Variants in DISC1 observed in about 807,000 individuals in gnomAD.
DISC1 encodes disrupted in schizophrenia 1 protein.
DISC1 carries 57 observed loss-of-function variants against 84.5 expected under a neutral mutation model. That is an observed-to-expected ratio of 0.67 (90% CI 0.55 to 0.84). The LOEUF (loss-of-function observed/expected upper bound fraction) is 0.84, where lower values mean the gene tolerates loss of function less well. Ranked by LOEUF, DISC1 falls within the 40% of genes least tolerant of loss-of-function variation. The pLI is 0.00. For synonymous variants in DISC1, 411 were observed against 415.2 expected, an observed-to-expected ratio of 0.99 and a Z score of 0.12; for missense variants, 1,000 against 1,057.8, an observed-to-expected ratio of 0.95 and a Z score of 0.76.
intron 9 of DISC1, among the ~76,000 whole-genome samples, chr1:231,950,808 A>T (rs149864002): frequency 0.015 from 2,267 of 152,186 alleles, 29 homozygotes; most frequent in Non-Finnish European, 0.018. Context: ...ACATTTTTAA[A>T]CCTGGTGGAG....
At chr1:231,721,176 A>T (rs1558419802) in intron 3 of DISC1, 2 of 1,113,756 alleles carry the variant, frequency 1.8e-6, no homozygotes, top group African/African-American at 1.6e-5. Flanking sequence ...AGGAAATAAT[A>T]CATATAAAAA....
chr1:231,640,160 G>T (rs1022851119), intron 1 of DISC1, among the ~76,000 whole-genome samples: 20 of 152,146 alleles, frequency 1.3e-4, no homozygotes, highest in Non-Finnish European at 2.9e-4. Context: ...TCATGGATTT[G>T]TGCTTAATAG....
chr1:231,833,541 C>T (rs2125829912), intron 9 of DISC1, among the ~76,000 whole-genome samples: 1 of 151,860 alleles, frequency 6.6e-6, no homozygotes, highest in African/African-American at 2.4e-5. Flanking sequence ...TCCAGGGGCT[C>T]TGGGAGTGGC....
intron 1 of DISC1, among the ~76,000 whole-genome samples, chr1:231,682,109 AG>A (rs960688655): frequency 9.8e-5 from 15 of 152,296 alleles, no homozygotes; most frequent in African/African-American, 3.4e-4. Context: ...TCATAGGGGA[AG>A]GGGAGGAGGA....
chr1:231,880,275 C>T (rs376585672), intron 9 of DISC1, among the ~76,000 whole-genome samples: 33 of 152,302 alleles, frequency 2.2e-4, no homozygotes, highest in African/African-American at 6.7e-4. Context: ...TGCTGCCCCT[C>T]GACCTTGGAC....
At chr1:231,679,179 A>G (rs994867454) in intron 1 of DISC1, among the ~76,000 whole-genome samples, 1 of 152,156 alleles carries the variant, frequency 6.6e-6, no homozygotes, top group Non-Finnish European at 1.5e-5. Context: ...TCCTTGAGGG[A>G]CACTCACTTC....
At chr1:231,845,692 G>A (rs1011811815) in intron 9 of DISC1, among the ~76,000 whole-genome samples, 9 of 152,138 alleles carry the variant, frequency 5.9e-5, no homozygotes, top group African/African-American at 2.2e-4. Flanking sequence ...AGGAAGGTGA[G>A]TGAAGTGATG....
intron 9 of DISC1, among the ~76,000 whole-genome samples, chr1:231,922,864 A>G (rs1572079655): frequency 1.3e-5 from 2 of 152,098 alleles, no homozygotes; most frequent in East Asian, 1.9e-4. Context: ...AGAAAATTCA[A>G]CCTCTAAACA....
chr1:231,839,719 A>G (rs2082893518), intron 9 of DISC1, among the ~76,000 whole-genome samples: 1 of 152,234 alleles, frequency 6.6e-6, no homozygotes, highest in Non-Finnish European at 1.5e-5. Context: ...ATAGTTCTGC[A>G]GGCTGTACAT....
chr1:231,751,708 A>G (rs1281648079), intron 4 of DISC1, among the ~76,000 whole-genome samples: 5 of 152,192 alleles, frequency 3.3e-5, no homozygotes, highest in Admixed American at 3.3e-4. Context: ...TACCTCATAG[A>G]AGTGACATCA....
intron 9 of DISC1, among the ~76,000 whole-genome samples, chr1:231,882,553 A>G (rs1043566650): frequency 6.6e-6 from 1 of 152,206 alleles, no homozygotes; most frequent in Admixed American, 6.5e-5. Context: ...CGTTTGAATA[A>G]TCAAAACGTA....
At chr1:231,868,191 C>T (rs1187734530) in intron 9 of DISC1, among the ~76,000 whole-genome samples, 1 of 152,134 alleles carries the variant, frequency 6.6e-6, no homozygotes, top group Non-Finnish European at 1.5e-5. Flanking sequence ...TAGCACCTGC[C>T]CCAAACCCTC....
At position 232,009,671 on chromosome 1, in the gene DISC1, C is replaced by T. The variant is rs1667855545; in HGVS notation, c.2307+622C>T. 3.7e-6 allele frequency: 3 copies of T among 813,874 alleles called. No individual in the cohort carries two copies. In the Admixed American group the frequency reaches 1.9e-4, roughly 51 times the overall value. The allele number at this position is 813,874 out of a possible 1,614,324, so 50.4% of individuals were successfully genotyped here. A position where few individuals can be genotyped will look rare whatever the true frequency, so the allele number is the denominator to read the frequency against. On this transcript the variant is annotated intron_variant, in intron 11 of 12. Coordinates refer to ENST00000439617, the MANE Select transcript of DISC1 (RefSeq NM_018662.3). This position sits in a 1 kb window ranked among gnomAD's most constrained non-coding sequence, Gnocchi z 4.6. ...TTTATTTAACTTTCTTTTTCTCTCC[C>T]CTCTTTCCTCTCTCCCTTCCCCTTC... is the stretch of plus-strand genomic sequence containing the variant.
rs113998060 is a variant in DISC1 at position 231,758,016 on chromosome 1, T to G, written c.1268+7940T>G. Among the ~76,000 whole-genome samples the G allele has an allele frequency of 5.2e-3, 788 of 151,590 alleles. 5 individuals are homozygous for G. The highest frequency in any genetic ancestry group is 0.018 in the African/African-American group (747 of 41,358). ...TGTGAGGAGGGGTGGGGGTGGATAA[T>G]GCCCCAGCCTACCCAGCCTCTTAGG... On this transcript the variant is annotated intron_variant, in intron 4 of 12. Coordinates refer to ENST00000439617, the MANE Select transcript of DISC1 (RefSeq NM_018662.3).
At chr1:231,664,900 A>G (rs2061882132) in intron 1 of DISC1, among the ~76,000 whole-genome samples, 1 of 147,738 alleles carries the variant, frequency 6.8e-6, no homozygotes, top group Non-Finnish European at 1.5e-5. Context: ...TATCCTAGAA[A>G]TATAAAAAAA....
intron 6 of DISC1, among the ~76,000 whole-genome samples, chr1:231,772,908 A>G (rs995253142): frequency 1.2e-4 from 18 of 152,042 alleles, no homozygotes; most frequent in African/African-American, 4.3e-4. Context: ...GAGAGGGGGA[A>G]GAGATTTGGA....
intron 10 of DISC1, among the ~76,000 whole-genome samples, chr1:231,966,166 A>G (rs1181049427): frequency 6.6e-6 from 1 of 152,050 alleles, no homozygotes; most frequent in African/African-American, 2.4e-5. Context: ...ATTCTCAACT[A>G]TTACATTCAG....
At chr1:231,995,216 G>A (rs182565231) in intron 10 of DISC1, among the ~76,000 whole-genome samples, 1 of 152,020 alleles carries the variant, frequency 6.6e-6, no homozygotes, top group African/African-American at 2.4e-5. Flanking sequence ...GACACATGAG[G>A]ACTATTCTAC....
chr1:231,743,601 TGTCA>T (rs1468578180), intron 3 of DISC1, among the ~76,000 whole-genome samples: 7 of 152,302 alleles, frequency 4.6e-5, no homozygotes, highest in East Asian at 3.9e-4. Flanking sequence ...GAACGCTTGG[TGTCA>T]GTTAAGGAAT....
Sources: allele counts gnomAD v4.1 joint callset (sites outside exome capture counted in the v4.1 genomes callset), GRCh38; gene constraint gnomAD v4.1.1; non-coding constraint Gnocchi (gnomAD v3.1); transcripts MANE v1.5; gene names NCBI Gene and HGNC (gene_info 2026-07-23, HGNC 2026-07-21).